The following OTOG variants were observed in gnomAD, a reference collection of about 807,000 sequenced individuals.
OTOG encodes the protein otogelin.
Under a neutral mutation model 313.8 loss-of-function variants are expected in OTOG, and 296 were observed. The ratio of observed to expected loss-of-function variants is 0.94; its 90% CI spans 0.86 to 1.04. The LOEUF (loss-of-function observed/expected upper bound fraction) is 1.04, where lower values mean the gene tolerates loss of function less well. Among genes scored for constraint, OTOG ranks in the 50% least tolerant of loss-of-function variants. OTOG has a pLI of 0.00. For missense variants in OTOG, 3,948 were observed against 3,840.1 expected (o/e 1.03, Z -0.74); for synonymous variants, 1,533 against 1,554.9 (o/e 0.99, Z 0.33).
intron 31 of OTOG, among the ~76,000 whole-genome samples, chr11:17,599,956 C>G (rs1853209109): frequency 6.6e-6 from 1 of 152,246 alleles, no homozygotes; most frequent in Admixed American, 6.5e-5. Context: ...CTCGGCAGGG[C>G]AGCCCCACCA....
intron 28 of OTOG, among the ~76,000 whole-genome samples, chr11:17,595,755 C>T (rs1565109108): frequency 6.6e-6 from 1 of 152,212 alleles, no homozygotes; most frequent in Non-Finnish European, 1.5e-5. Context: ...CTTGCTTCCT[C>T]ACAGCCAGCA....
intron 15 of OTOG, among the ~76,000 whole-genome samples, chr11:17,564,634 C>T (rs867258647): frequency 6.9e-4 from 105 of 152,168 alleles, no homozygotes; most frequent in African/African-American, 2.4e-3. Flanking sequence ...GGGTGCCCAG[C>T]AATGGAGTGG....
At position 17,638,473 on chromosome 11, in the gene OTOG, CCAAGTG is replaced by C; in HGVS notation, c.7821_7826del (p.Val2608_Gln2609del). The stretch of plus-strand genomic sequence containing the variant: ...CAGTGTGTGAGAACTTCCGCTGTCC[CCAAGTG>C]CAGTGTGGCCTGGGCACTGCCCTGG... On this transcript the variant is annotated inframe_deletion, in exon 48 of 56. Transcript: ENST00000399397. The C allele has an allele frequency of 3.2e-6, 5 of 1,549,902 alleles. No individual in the cohort carries two copies. Among genetic ancestry groups the C allele is most frequent in the Non-Finnish European group, 4.4e-6 (5 of 1,146,956 alleles).
At chr11:17,580,760 A>G (rs1852647295) in intron 23 of OTOG, among the ~76,000 whole-genome samples, 1 of 152,206 alleles carries the variant, frequency 6.6e-6, no homozygotes, top group Non-Finnish European at 1.5e-5. Flanking sequence ...TGTTTCTACT[A>G]GGTGATAGGC....
At chr11:17,587,669 G>T (rs140919289) in intron 24 of OTOG, among the ~76,000 whole-genome samples, 1 of 152,166 alleles carries the variant, frequency 6.6e-6, no homozygotes, top group Non-Finnish European at 1.5e-5. Context: ...CTCCAAGGCC[G>T]GTTTCTCCAG....
At chr11:17,590,203 A>T (rs2134055377) in intron 24 of OTOG, among the ~76,000 whole-genome samples, 1 of 152,310 alleles carries the variant, frequency 6.6e-6, no homozygotes, top group Middle Eastern at 3.4e-3. Flanking sequence ...CCTACTTGAC[A>T]TCACCATACG....
intron 17 of OTOG, among the ~76,000 whole-genome samples, chr11:17,570,880 C>T (rs954508365): frequency 2.0e-5 from 3 of 152,166 alleles, no homozygotes; most frequent in African/African-American, 7.2e-5. Flanking sequence ...CCCACCAGGC[C>T]AGTCTAACCC....
chr11:17,553,311 C>T (rs1851984987), intron 5 of OTOG, 54 bp from the exon 6 acceptor site: 1 of 1,498,744 alleles, frequency 6.7e-7, no homozygotes, highest in African/African-American at 1.4e-5. Flanking sequence ...CCACCAGCCT[C>T]TGGCTTGGTG....
chr11:17,548,554 C>T (rs1166883732), intron 3 of OTOG, among the ~76,000 whole-genome samples: 1 of 148,474 alleles, frequency 6.7e-6, no homozygotes, highest in Non-Finnish European at 1.5e-5. Context: ...ATGGAGTTCT[C>T]TTTTCCCTGA....
intron 19 of OTOG, 113 bp from the exon 20 acceptor site, chr11:17,574,607 C>G: frequency 8.8e-7 from 1 of 1,138,152 alleles, no homozygotes; most frequent in Non-Finnish European, 1.2e-6. Context: ...TGACCTCAGA[C>G]AAATGTCTGA....
At chr11:17,618,232 A>T (rs1019909290) in intron 39 of OTOG, among the ~76,000 whole-genome samples, 1 of 152,038 alleles carries the variant, frequency 6.6e-6, no homozygotes, top group African/African-American at 2.4e-5. Flanking sequence ...TAGTGCTACA[A>T]TTTTCCCTGT....
At chr11:17,557,473 C>A in intron 8 of OTOG, 150 bp downstream of exon 8, 2 of 737,760 alleles carry the variant, frequency 2.7e-6, no homozygotes, top group Non-Finnish European at 4.4e-6. Flanking sequence ...CCCTTCCTAA[C>A]AAATGTGTGT....
Position 17,576,601 on chromosome 11 carries a change from A to C in OTOG, c.2532A>C (p.Gly844=). The C allele has an allele frequency of 6.4e-7, 1 of 1,550,450 alleles. No homozygotes were observed. Among genetic ancestry groups the C allele is most frequent in the Admixed American group, 2.0e-5 (1 of 50,998 alleles). Residue 844 remains glycine (G), a synonymous_variant, in exon 21 of 56, where the codon GGA becomes GGC. Coordinates refer to ENST00000399397, the MANE Select transcript of OTOG (RefSeq NM_001292063.2). The part of the protein sequence containing the change: ...CHFQGVDYPP[G]DSDIPSLGHC... ...TCCAGGGAGTGGACTATCCCCCCGG[A>C]GACAGTGACATCCCATCCCTGGGCC...
intron 23 of OTOG, among the ~76,000 whole-genome samples, chr11:17,583,142 A>T (rs1010535624): frequency 1.9e-4 from 28 of 149,296 alleles, no homozygotes; most frequent in African/African-American, 4.0e-4. Context: ...TATTATTATT[A>T]TTTTTTTTTA....
Position 17,574,753 on chromosome 11 carries a change from C to T in OTOG, c.2327C>T (p.Pro776Leu). ...TGTGAGGCCTCCAAGGAGTATAGCC[C>T]CTGCGTGGCCCCGTGTGGACGTACC... ...LSCEASKEYS[P>L]CVAPCGRTCQ... The change falls in exon 20 of 56, where the codon CCC (proline) becomes CTC (leucine). Residue 776 changes from proline (P) to leucine (L), a missense_variant. Transcript: ENST00000399397. 6.4e-7 allele frequency: 1 copy of T among 1,550,646 alleles called. No individual in the cohort carries two copies. Among genetic ancestry groups the T allele is most frequent in the Non-Finnish European group, 8.7e-7 (1 of 1,146,972 alleles).
chr11:17,564,783 A>G (rs1852264157), intron 15 of OTOG, among the ~76,000 whole-genome samples: 1 of 152,206 alleles, frequency 6.6e-6, no homozygotes, highest in Non-Finnish European at 1.5e-5. Flanking sequence ...CATTCTCCCC[A>G]TTTTAAATAT....
Position 17,565,540 on chromosome 11 carries a change from C to T in OTOG, c.1645-3616C>T, listed in dbSNP as rs1054297230. On this transcript the variant is annotated intron_variant, in intron 15 of 55. Transcript: ENST00000399397. ...CTTTTTGGAAGGAAGTCACTATGGGCAACCCACACTTACAGAGTGGGAAGT... is the reference window on the plus strand; with the variant it reads ...CTTTTTGGAAGGAAGTCACTATGGGTAACCCACACTTACAGAGTGGGAAGT... Among the ~76,000 whole-genome samples the T allele has an allele frequency of 2.6e-5, 4 of 152,184 alleles. No homozygotes were observed. In the East Asian group the frequency reaches 7.7e-4, roughly 29 times the overall value.
chr11:17,587,120 G>A (rs1044879755), intron 24 of OTOG, among the ~76,000 whole-genome samples: 3 of 152,238 alleles, frequency 2.0e-5, no homozygotes, highest in African/African-American at 7.2e-5. Context: ...TCACATGTGA[G>A]TGTAAATGTC....
intron 5 of OTOG, 34 bp downstream of exon 5, chr11:17,553,245 G>T (rs1338371587): frequency 1.3e-6 from 2 of 1,545,264 alleles, no homozygotes; most frequent in African/African-American, 1.4e-5. Context: ...CCCAGGAAGG[G>T]ACCTGGGTGC....
Sources: gnomAD v4.1 joint callset for allele counts (sites outside exome capture counted in the v4.1 genomes callset) on GRCh38, gnomAD v4.1.1 for gene constraint, MANE v1.5 for transcripts, NCBI Gene and HGNC (gene_info 2026-07-23, HGNC 2026-07-21) for gene names.